The following PGAP4 variants were observed in gnomAD, a reference collection of about 807,000 sequenced individuals.
PGAP4 encodes post-GPI attachment to proteins GalNAc transferase 4.
PGAP4 carries 12 observed loss-of-function variants against 28.2 expected under a neutral mutation model. The observed-to-expected ratio is 0.42, with a 90% CI of 0.27 to 0.69. The LOEUF is 0.69. Ranked by LOEUF, PGAP4 falls within the 30% of genes least tolerant of loss-of-function variation. The pLI is 0.22. For synonymous variants in PGAP4, 205 were observed against 211.8 expected (o/e 0.97, Z 0.28); for missense variants, 425 against 513.5 (o/e 0.83, Z 1.67).
intron 2 of PGAP4, among the ~76,000 whole-genome samples, chr9:101,528,939 C>T (rs1165050563): frequency 6.6e-6 from 1 of 151,878 alleles, no homozygotes; most frequent in Admixed American, 6.6e-5. Flanking sequence ...TCCTCTCCCT[C>T]CTCCCACCCT....
At chr9:101,516,719 A>T (rs549932123) in intron 2 of PGAP4, among the ~76,000 whole-genome samples, 1 of 152,326 alleles carries the variant, frequency 6.6e-6, no homozygotes, top group South Asian at 2.1e-4. Context: ...TTCAAATCTT[A>T]TAATTACATC....
At position 101,476,349 on chromosome 9, in the gene PGAP4, G is replaced by A. The variant is rs764809865; in HGVS notation, c.744C>T (p.Pro248=). 14 of 1,613,968 alleles carry A rather than the reference G, an allele frequency of 8.7e-6. No individual in the cohort carries two copies. Among genetic ancestry groups the A allele is most frequent in the African/African-American group, 2.7e-5 (2 of 74,908 alleles). The change falls in exon 2 of 2, where the codon CCC becomes CCT. Residue 248 remains proline, a synonymous_variant. Transcript: ENST00000374848. This position sits in a 1 kb window ranked among gnomAD's most constrained non-coding sequence, Gnocchi z 7.0. ...GATTGATGTAGTGCTGGAGCCTCTC[G>A]GGGTGATACAGCTTGAGATAAAGGG... ...RDALYLKLYH[P]ERLQHYINPE...
intron 2 of PGAP4, among the ~76,000 whole-genome samples, chr9:101,528,433 G>C (rs1827055122): frequency 6.6e-6 from 1 of 152,032 alleles, no homozygotes; most frequent in African/African-American, 2.4e-5. Flanking sequence ...TCCAGTTTTA[G>C]TCCTCAGCTT....
At chr9:101,502,059 C>T (rs761551661) in intron 2 of PGAP4, among the ~76,000 whole-genome samples, 1 of 152,094 alleles carries the variant, frequency 6.6e-6, no homozygotes, top group South Asian at 2.1e-4. Context: ...AGCTTAGAGT[C>T]GCCCTCTTTC....
At chr9:101,513,176 C>T (rs1826911577) in intron 2 of PGAP4, among the ~76,000 whole-genome samples, 1 of 150,304 alleles carries the variant, frequency 6.7e-6, no homozygotes, top group African/African-American at 2.4e-5. Flanking sequence ...TGAGCAGTGG[C>T]TAATATCTTG....
intron 2 of PGAP4, among the ~76,000 whole-genome samples, chr9:101,506,085 T>C (rs565266721): frequency 6.6e-6 from 1 of 152,094 alleles, no homozygotes; most frequent in Non-Finnish European, 1.5e-5. Context: ...AACTGGGACA[T>C]TGGAATAGGA....
intron 2 of PGAP4, among the ~76,000 whole-genome samples, chr9:101,504,898 C>A (rs1283785859): frequency 6.6e-6 from 1 of 152,094 alleles, no homozygotes; most frequent in Non-Finnish European, 1.5e-5. Context: ...CACCAAAAAG[C>A]TGCCAGTGGA....
intron 2 of PGAP4, among the ~76,000 whole-genome samples, chr9:101,500,926 G>C (rs949640814): frequency 6.6e-6 from 1 of 152,028 alleles, no homozygotes; most frequent in Non-Finnish European, 1.5e-5. Context: ...GTGGGGGACT[G>C]TCATGAGAAA....
intron 2 of PGAP4, among the ~76,000 whole-genome samples, chr9:101,503,199 G>A (rs1160858228): frequency 6.6e-6 from 1 of 152,008 alleles, no homozygotes; most frequent in South Asian, 2.1e-4. Context: ...AACTCTTACA[G>A]CCATCTTGGA....
chr9:101,513,976 C>T (rs1826920621), intron 2 of PGAP4, among the ~76,000 whole-genome samples: 1 of 151,690 alleles, frequency 6.6e-6, no homozygotes, highest in Non-Finnish European at 1.5e-5. Flanking sequence ...TGTCTCAGCT[C>T]TAGGAGAGGG....
At chr9:101,513,479 T>A (rs911961500) in intron 2 of PGAP4, among the ~76,000 whole-genome samples, 5 of 152,210 alleles carry the variant, frequency 3.3e-5, no homozygotes, top group Admixed American at 6.5e-5. Flanking sequence ...CACACTTGAA[T>A]TTTTAACAAA....
chr9:101,527,080 A>G (rs1243522472), intron 2 of PGAP4, among the ~76,000 whole-genome samples: 2 of 152,206 alleles, frequency 1.3e-5, no homozygotes, highest in East Asian at 3.8e-4. Flanking sequence ...ATTTAAGATC[A>G]GTGTTTCCTG....
At chr9:101,516,695 T>C (rs968898388) in intron 2 of PGAP4, among the ~76,000 whole-genome samples, 3 of 152,220 alleles carry the variant, frequency 2.0e-5, no homozygotes, top group Admixed American at 1.3e-4. Context: ...ATCTTTTGCT[T>C]TGCTGCTGCC....
chr9:101,492,769 C>T, intron 2 of PGAP4, among the ~76,000 whole-genome samples: 1 of 151,988 alleles, frequency 6.6e-6, no homozygotes, highest in East Asian at 1.9e-4. Context: ...GTAGATTAGT[C>T]ATTAGTCAAG....
At chr9:101,494,708 G>A (rs558709868) in intron 2 of PGAP4, among the ~76,000 whole-genome samples, 31 of 151,710 alleles carry the variant, frequency 2.0e-4, no homozygotes, top group Non-Finnish European at 4.0e-4. Context: ...ATAGCTGATT[G>A]CAAAAACTTT....
intron 2 of PGAP4, among the ~76,000 whole-genome samples, chr9:101,506,539 C>T (rs550742340): frequency 6.6e-6 from 1 of 152,156 alleles, no homozygotes; most frequent in Admixed American, 6.6e-5. Context: ...CTAACAGAGA[C>T]TTGACTCTGA....
At chr9:101,506,958 C>T (rs1006557593) in intron 2 of PGAP4, among the ~76,000 whole-genome samples, 1 of 152,110 alleles carries the variant, frequency 6.6e-6, no homozygotes, top group African/African-American at 2.4e-5. Context: ...TCCCGTGGTT[C>T]CAAACCCTAC....
At chr9:101,529,936 T>C (rs1827072898) in intron 2 of PGAP4, among the ~76,000 whole-genome samples, 1 of 152,242 alleles carries the variant, frequency 6.6e-6, no homozygotes. Context: ...GCAAGGGCTA[T>C]GGTATCTAAA....
rs1292153858 is a variant in PGAP4 at position 101,477,010 on chromosome 9, AAGAGCTGGACAGC to A, written c.70_82del (p.Ala24SerfsTer3). 6.2e-7 allele frequency: 1 copy of A among 1,613,764 alleles called. No individual in the cohort carries two copies. Among genetic ancestry groups the A allele is most frequent in the Admixed American group, 1.7e-5 (1 of 60,022 alleles). On this transcript the variant is annotated frameshift_variant, in exon 2 of 2. Coordinates refer to ENST00000374848, the MANE Select transcript of PGAP4 (RefSeq NM_032342.3). LOFTEE classifies it high-confidence loss of function. ...GCCAAACGTCACCACTGTTAGGATG[AAGAGCTGGACAGC>A]AGTGCTGCCCCAGGAGAGTCGCCGC... is the stretch of plus-strand genomic sequence containing the variant.
Sources: gnomAD v4.1 joint callset for allele counts (sites outside exome capture counted in the v4.1 genomes callset) on GRCh38, gnomAD v4.1.1 for gene constraint, Gnocchi (gnomAD v3.1) non-coding constraint, MANE v1.5 for transcripts, NCBI Gene and HGNC (gene_info 2026-07-23, HGNC 2026-07-21) for gene names.